Variants in HS3ST3A1 observed in about 807,000 individuals in gnomAD.
HS3ST3A1 encodes the protein heparan sulfate glucosamine 3-O-sulfotransferase 3A1.
In HS3ST3A1, 19 loss-of-function variants were observed where a neutral mutation model predicts 25.7. The ratio of observed to expected loss-of-function variants is 0.74; its 90% confidence interval spans 0.52 to 1.08. The LOEUF (loss-of-function observed/expected upper bound fraction) is 1.08, where lower values mean the gene tolerates loss of function less well. Among genes scored for constraint, HS3ST3A1 ranks in the 50% least tolerant of loss-of-function variants. The pLI is 0.00. For missense variants in HS3ST3A1, 459 were observed against 594.3 expected (o/e 0.77, Z 2.37); for synonymous variants, 226 against 278.6 (o/e 0.81, Z 1.88).
chr17:13,523,061 G>A (rs1906299581), intron 1 of HS3ST3A1, among the ~76,000 whole-genome samples: 1 of 152,146 alleles, frequency 6.6e-6, no homozygotes, highest in Admixed American at 6.6e-5. Flanking sequence ...AAAGGCAGAA[G>A]TGAGAAGTTA....
chr17:13,525,572 CTG>C (rs1172711943), intron 1 of HS3ST3A1, among the ~76,000 whole-genome samples: 1 of 152,170 alleles, frequency 6.6e-6, no homozygotes, highest in Non-Finnish European at 1.5e-5. Flanking sequence ...AAATTACAGA[CTG>C]AAATCTGGAG....
chr17:13,548,342 A>T (rs12943958), intron 1 of HS3ST3A1, among the ~76,000 whole-genome samples: 58,927 of 151,806 alleles, frequency 0.39, 12,433 homozygotes, highest in African/African-American at 0.56. Context: ...CTCTTCTTTT[A>T]ATAAGGGCAC....
At chr17:13,504,079 C>G (rs1905576723) in intron 1 of HS3ST3A1, among the ~76,000 whole-genome samples, 3 of 152,040 alleles carry the variant, frequency 2.0e-5, no homozygotes, top group Admixed American at 2.0e-4. Context: ...CTTTGGGAGG[C>G]CGCAGTGGGT....
intron 1 of HS3ST3A1, among the ~76,000 whole-genome samples, chr17:13,541,968 A>G (rs9903006): frequency 6.6e-6 from 1 of 151,916 alleles, no homozygotes; most frequent in South Asian, 2.1e-4. Flanking sequence ...AAAATTGGTA[A>G]GTTGAAGCCT....
intron 1 of HS3ST3A1, among the ~76,000 whole-genome samples, chr17:13,571,374 C>T (rs551363663): frequency 6.6e-6 from 1 of 152,272 alleles, no homozygotes; most frequent in South Asian, 2.1e-4. Flanking sequence ...ACTCAGTCTT[C>T]CTATTCTCAT....
rs1373446598 is a variant in HS3ST3A1, at chr17:13,494,793, A to G, written c.*1404T>C. ...AATACTGTTAATAAACTATTGATTTATTTGAGTGATTTAAATGGGGGATGG... is the reference window on the plus strand; with the variant it reads ...AATACTGTTAATAAACTATTGATTTGTTTGAGTGATTTAAATGGGGGATGG... On this transcript the variant is annotated 3_prime_UTR_variant, in exon 2 of 2. Coordinates refer to ENST00000284110, the MANE Select transcript of HS3ST3A1 (RefSeq NM_006042.3). Among the ~76,000 whole-genome samples, 1 of 152,194 alleles carries G rather than the reference A, an allele frequency of 6.6e-6. No individual in the cohort carries two copies. Among genetic ancestry groups the G allele is most frequent in the Non-Finnish European group, 1.5e-5 (1 of 68,032 alleles).
rs779716723 is a variant in HS3ST3A1 at position 13,601,074 on chromosome 17, C to G, written c.56G>C (p.Arg19Pro). Residue 19 changes from arginine to proline, a missense_variant, in exon 1 of 2, where the codon CGC (arginine) becomes CCC (proline). Arg to Pro is a moderately radical substitution (Grantham distance 103). Transcript: ENST00000284110. The stretch of plus-strand genomic sequence containing the variant: ...CAGCAAGAACTTCCGGAAGATGCTG[C>G]GGGACAGCGGCTCGGCCGAGGTGGA... ...ALSTSAEPLS[R>P]SIFRKFLLML... 1.6e-5 allele frequency: 25 copies of G among 1,597,008 alleles called. No homozygotes were observed. The highest frequency in any genetic ancestry group is 2.1e-5 in the Non-Finnish European group (25 of 1,172,848).
intron 1 of HS3ST3A1, among the ~76,000 whole-genome samples, chr17:13,553,558 T>TA (rs1907296734): frequency 6.6e-6 from 1 of 152,190 alleles, no homozygotes; most frequent in Non-Finnish European, 1.5e-5. Context: ...ACATTCTAAA[T>TA]AAAAAATCCA....
At chr17:13,502,427 G>A (rs1391564708) in intron 1 of HS3ST3A1, among the ~76,000 whole-genome samples, 1 of 152,130 alleles carries the variant, frequency 6.6e-6, no homozygotes, top group Non-Finnish European at 1.5e-5. Flanking sequence ...AACCACCTGG[G>A]AGAGCTCTCC....
chr17:13,531,748 C>T (rs1454352963), intron 1 of HS3ST3A1, among the ~76,000 whole-genome samples: 2 of 152,162 alleles, frequency 1.3e-5, no homozygotes, highest in Non-Finnish European at 2.9e-5. Flanking sequence ...TATACTTACT[C>T]CAAACACATT....
chr17:13,528,275 G>A (rs1204355405), intron 1 of HS3ST3A1, among the ~76,000 whole-genome samples: 1 of 152,206 alleles, frequency 6.6e-6, no homozygotes, highest in Non-Finnish European at 1.5e-5. Context: ...AAAAAGGATG[G>A]GAAATGTGAC....
chr17:13,513,482 T>C (rs1390721401), intron 1 of HS3ST3A1, among the ~76,000 whole-genome samples: 2 of 152,158 alleles, frequency 1.3e-5, no homozygotes, highest in Non-Finnish European at 2.9e-5. Context: ...CACAAAATTC[T>C]AGAAAGTAAA....
At chr17:13,552,189 C>T (rs1907263581) in intron 1 of HS3ST3A1, among the ~76,000 whole-genome samples, 1 of 152,216 alleles carries the variant, frequency 6.6e-6, no homozygotes, top group Non-Finnish European at 1.5e-5. Flanking sequence ...ACATGATTCT[C>T]CTGCCTCAGC....
At chr17:13,518,291 T>C (rs560524002) in intron 1 of HS3ST3A1, among the ~76,000 whole-genome samples, 153 of 152,350 alleles carry the variant, frequency 1.0e-3, no homozygotes, top group African/African-American at 3.5e-3. Flanking sequence ...CTGAAAAATC[T>C]CTAATTTATT....
chr17:13,558,306 A>T (rs1907435149), intron 1 of HS3ST3A1, among the ~76,000 whole-genome samples: 2 of 151,884 alleles, frequency 1.3e-5, no homozygotes, highest in Admixed American at 1.3e-4. Context: ...AACAAACAAA[A>T]ATTGGATGTG....
rs575465938 is a variant in HS3ST3A1, at chr17:13,497,346, T to C, written c.600-528A>G. ...GAGTTTTCCTGCAACAAACAAGACT[T>C]ATTAAAGAATCCATCTTTTGCCTAA... is the stretch of plus-strand genomic sequence containing the variant. On this transcript the variant is annotated intron_variant, in intron 1 of 1. Coordinates refer to ENST00000284110, the MANE Select transcript of HS3ST3A1 (RefSeq NM_006042.3). Among the ~76,000 whole-genome samples, 36 of 152,348 alleles carry C rather than the reference T, an allele frequency of 2.4e-4. No homozygotes were observed. The South Asian group carries it at 7.0e-3, about 30-fold the overall frequency.
chr17:13,596,832 A>G (rs1397173570), intron 1 of HS3ST3A1, among the ~76,000 whole-genome samples: 1 of 152,122 alleles, frequency 6.6e-6, no homozygotes, highest in Non-Finnish European at 1.5e-5. Context: ...GGGACTTTGC[A>G]GCTGCTCCCA....
chr17:13,510,246 G>A (rs1211779246), intron 1 of HS3ST3A1, among the ~76,000 whole-genome samples: 1 of 152,180 alleles, frequency 6.6e-6, no homozygotes, highest in Non-Finnish European at 1.5e-5. Context: ...TCTGAGAGCT[G>A]TGCTATCGGC....
chr17:13,512,173 C>G (rs1905884966), intron 1 of HS3ST3A1, among the ~76,000 whole-genome samples: 1 of 151,956 alleles, frequency 6.6e-6, no homozygotes, highest in African/African-American at 2.4e-5. Flanking sequence ...GTGGCGGGCG[C>G]CTGTAGTCCC....
Sources: gnomAD v4.1 joint callset for allele counts (sites outside exome capture counted in the v4.1 genomes callset) on GRCh38, gnomAD v4.1.1 for gene constraint, MANE v1.5 for transcripts, NCBI Gene and HGNC (gene_info 2026-07-23, HGNC 2026-07-21) for gene names.